The following SLAMF1 variants were observed in gnomAD, a reference collection of about 807,000 sequenced individuals.
SLAMF1 encodes the protein signaling lymphocytic activation molecule family member 1, also known as signaling lymphocytic activation molecule.
A neutral mutation model predicts 35.1 loss-of-function variants in SLAMF1; 18 were observed. The ratio of observed to expected loss-of-function variants is 0.51; its 90% confidence interval spans 0.35 to 0.76. The LOEUF (loss-of-function observed/expected upper bound fraction) is 0.76. Ranked by LOEUF, SLAMF1 falls within the 30% of genes least tolerant of loss-of-function variation. SLAMF1 has a pLI of 0.01. For missense variants in SLAMF1, 392 were observed against 413.0 expected (o/e 0.95, Z 0.44); for synonymous variants, 168 against 157.2 (o/e 1.07, Z -0.51).
At chr1:160,611,273 G>T (rs1658969875) in intron 6 of SLAMF1, among the ~76,000 whole-genome samples, 1 of 152,172 alleles carries the variant, frequency 6.6e-6, no homozygotes, top group Non-Finnish European at 1.5e-5. Flanking sequence ...TCATGTCAAA[G>T]AAACAAAGAA....
intron 3 of SLAMF1, among the ~76,000 whole-genome samples, chr1:160,628,206 TA>T (rs1240618792): frequency 6.6e-6 from 1 of 152,234 alleles, no homozygotes; most frequent in Non-Finnish European, 1.5e-5. Flanking sequence ...AACTTTTTTT[TA>T]AAAACTTACA....
Position 160,621,431 on chromosome 1 carries a change from C to T in SLAMF1, c.791-1582G>A, listed in dbSNP as rs148529394. Among the ~76,000 whole-genome samples the T allele has an allele frequency of 2.6e-3, 390 of 151,798 alleles. 3 individuals are homozygous for T. The highest frequency in any genetic ancestry group is 9.1e-3 in the African/African-American group (377 of 41,378). On this transcript the variant is annotated intron_variant, in intron 4 of 6. Coordinates refer to ENST00000302035, the MANE Select transcript of SLAMF1 (RefSeq NM_003037.5). ...AAAATTAGCCAGGCATGGTGGCACG[C>T]GCTTATAATTTCAGCTACTCAGGAG...
Position 160,610,196 on chromosome 1 carries a change from T to G in SLAMF1, c.*552A>C. 1 of 423,652 alleles carries G rather than the reference T, an allele frequency of 2.4e-6. No homozygotes were observed. Among genetic ancestry groups the G allele is most frequent in the Non-Finnish European group, 4.7e-6 (1 of 213,546 alleles). 26.2% of individuals were successfully genotyped at this position (423,652 alleles called of 1,614,324 possible). ...TCCTTTATACAATAATATCAGAGTG[T>G]TTTATGTATAATAAGAAATTCACCC... On this transcript the variant is annotated 3_prime_UTR_variant, in exon 7 of 7. Transcript: ENST00000302035.
rs1299370044 is a variant in SLAMF1 at position 160,609,974 on chromosome 1, A to T, written c.*774T>A. ...GGGACAAGTTCCTCTGAGTATTCCAAGCTCCTTTGTAACAGCACCATCAAA... is the reference window on the plus strand; with the variant it reads ...GGGACAAGTTCCTCTGAGTATTCCATGCTCCTTTGTAACAGCACCATCAAA... On this transcript the variant is annotated 3_prime_UTR_variant, in exon 7 of 7. Transcript: ENST00000302035. 5.3e-6 allele frequency: 1 copy of T among 189,036 alleles called. No homozygotes were observed. Among genetic ancestry groups the T allele is most frequent in the Non-Finnish European group, 1.1e-5 (1 of 89,928 alleles). The allele number at this position is 189,036 out of a possible 1,614,324, so 11.7% of individuals were successfully genotyped here. A position where few individuals can be genotyped will look rare whatever the true frequency, so the allele number is the denominator to read the frequency against.
In SLAMF1 at chr1:160,619,819, T is replaced by C. The variant is rs201439748; in HGVS notation, c.821A>G (p.Glu274Gly). The C allele has an allele frequency of 6.9e-5, 112 of 1,612,772 alleles. No homozygotes were observed. Among genetic ancestry groups the C allele is most frequent in the East Asian group, 3.1e-4 (14 of 44,878 alleles). Residue 274 changes from glutamate to glycine, a missense_variant, in exon 5 of 7, where the codon GAA becomes GGA. By Grantham distance (98) the Glu-to-Gly change is moderately conservative (BLOSUM62 -2). Transcript: ENST00000302035. ...GGCATAGATCGTAAGGCTTTTTTTTTCCACTGTTGTCTGGTAATGGTTCGT... is the reference window on the plus strand; with the variant it reads ...GGCATAGATCGTAAGGCTTTTTTTTCCCACTGTTGTCTGGTAATGGTTCGT... ...GKTNHYQTTV[E>G]KKSLTIYAQV...
chr1:160,627,346 G>A (rs1338482916), intron 3 of SLAMF1, among the ~76,000 whole-genome samples: 1 of 152,180 alleles, frequency 6.6e-6, no homozygotes, highest in Non-Finnish European at 1.5e-5. Flanking sequence ...GGAGGCCAGA[G>A]ACCATCTCTT....
chr1:160,629,971 G>A (rs934156699), intron 3 of SLAMF1, among the ~76,000 whole-genome samples: 1 of 152,190 alleles, frequency 6.6e-6, no homozygotes, highest in African/African-American at 2.4e-5. Flanking sequence ...TGTTAGAAAG[G>A]GGAAGCCTCC....
chr1:160,611,862 T>C (rs527433349), intron 6 of SLAMF1, among the ~76,000 whole-genome samples: 1 of 152,320 alleles, frequency 6.6e-6, no homozygotes, highest in East Asian at 1.9e-4. Context: ...GTTTTGTAGC[T>C]GGAGTTGAGA....
chr1:160,616,113 C>T (rs56168064), intron 5 of SLAMF1, among the ~76,000 whole-genome samples: 31,569 of 152,036 alleles, frequency 0.21, 3,919 homozygotes, highest in Middle Eastern at 0.34. Context: ...ATCAAAACCC[C>T]ACTGGTTGGG....
Position 160,619,794 on chromosome 1 carries a change from G to A in SLAMF1, c.846C>T (p.Ala282=), listed in dbSNP as rs1195561219. Residue 282 remains alanine, a synonymous_variant, in exon 5 of 7, where the codon GCC becomes GCT. Coordinates refer to ENST00000302035, the MANE Select transcript of SLAMF1 (RefSeq NM_003037.5). ...AACTTACACCTGGTTTCTGGACTTG[G>A]GCATAGATCGTAAGGCTTTTTTTTT... ...TVEKKSLTIY[A]QVQKPGPLQK... 3.7e-6 allele frequency: 6 copies of A among 1,610,734 alleles called. No homozygotes were observed. Among genetic ancestry groups the A allele is most frequent in the Non-Finnish European group, 2.5e-6 (3 of 1,176,920 alleles).
At chr1:160,641,767 C>T (rs959280018) in intron 1 of SLAMF1, among the ~76,000 whole-genome samples, 12 of 152,254 alleles carry the variant, frequency 7.9e-5, no homozygotes, top group South Asian at 4.2e-4. Context: ...CCTCGAGTGG[C>T]GTCCCTGCTC....
At chr1:160,645,263 T>C (rs1030770105) in intron 1 of SLAMF1, among the ~76,000 whole-genome samples, 3 of 152,222 alleles carry the variant, frequency 2.0e-5, no homozygotes, top group Admixed American at 1.3e-4. Flanking sequence ...CTGTCATGAC[T>C]AACCTGCCCC....
At chr1:160,628,481 C>A (rs1659996506) in intron 3 of SLAMF1, among the ~76,000 whole-genome samples, 1 of 152,150 alleles carries the variant, frequency 6.6e-6, no homozygotes, top group Non-Finnish European at 1.5e-5. Context: ...AAGAGGAATT[C>A]TAGTAGCAGT....
chr1:160,608,891 G>A lies in SLAMF1; in HGVS notation c.*1857C>T, dbSNP rs1469666357. On this transcript the variant is annotated 3_prime_UTR_variant, in exon 7 of 7. Coordinates refer to ENST00000302035, the MANE Select transcript of SLAMF1 (RefSeq NM_003037.5). ...CACCTGAATCCCACTTCTATTATTT[G>A]TAGAATTCCTTAATTCATAAGAAGT... is the stretch of plus-strand genomic sequence containing the variant. 6.6e-6 allele frequency: 1 copy of A among 152,148 alleles called. No homozygotes were observed. The highest frequency in any genetic ancestry group is 1.5e-5 in the Non-Finnish European group (1 of 68,038). 9.4% of individuals were successfully genotyped at this position (152,148 alleles called of 1,614,324 possible).
At chr1:160,634,982 G>T in intron 2 of SLAMF1, 85 bp from the exon 3 acceptor site, 1 of 1,215,584 alleles carries the variant, frequency 8.2e-7, no homozygotes, top group Non-Finnish European at 1.2e-6. Flanking sequence ...ACAAAGTACA[G>T]CCTAATGGCA....
intron 1 of SLAMF1, among the ~76,000 whole-genome samples, chr1:160,640,325 C>CATATATATAT (rs56785818): frequency 0.095 from 8,885 of 93,162 alleles, 490 homozygotes; most frequent in Non-Finnish European, 0.1. Flanking sequence ...TTAGGTTTGT[C>CATATATATAT]ATATATATAT....
chr1:160,612,434 T>C, intron 6 of SLAMF1, 54 bp downstream of exon 6: 2 of 1,215,654 alleles, frequency 1.6e-6, no homozygotes, highest in Non-Finnish European at 1.2e-6. Flanking sequence ...TTCCTCATTT[T>C]CCCCTCCTTC....
At chr1:160,637,076 A>G (rs1660488879) in intron 2 of SLAMF1, 115 bp downstream of exon 2, 4 of 689,458 alleles carry the variant, frequency 5.8e-6, no homozygotes, top group Non-Finnish European at 7.6e-6. Context: ...AAACTAGAAG[A>G]TCATTCTAGT....
Position 160,617,983 on chromosome 1 carries a change from GA to G in SLAMF1, c.864+1792del, listed in dbSNP as rs199577197. Among the ~76,000 whole-genome samples the G allele has an allele frequency of 1.3e-3, 192 of 152,266 alleles. 4 individuals carry two copies. The East Asian group carries it at 0.026, about 21-fold the overall frequency. Reference sequence around the variant, plus strand: ...AGCTACTTGGAAGGCTGAGGCAGGAGAATCACTTGAACCCAGGAGGCGGAGG... The same window carrying G: ...AGCTACTTGGAAGGCTGAGGCAGGAGATCACTTGAACCCAGGAGGCGGAGG... On this transcript the variant is annotated intron_variant, in intron 5 of 6. Transcript: ENST00000302035.
Sources: gnomAD v4.1 joint callset for allele counts (sites outside exome capture counted in the v4.1 genomes callset) on GRCh38, gnomAD v4.1.1 for gene constraint, MANE v1.5 for transcripts, NCBI Gene and HGNC (gene_info 2026-07-23, HGNC 2026-07-21) for gene names.